The following TBL1X variants were observed in gnomAD, a reference collection of about 807,000 sequenced individuals.
The protein encoded by TBL1X is F-box-like/WD repeat-containing protein TBL1X.
Under a neutral mutation model 50.7 loss-of-function variants are expected in TBL1X, and 10 were observed. The observed-to-expected ratio is 0.20, with a 90% CI of 0.12 to 0.33. The LOEUF is 0.33. Ranked by LOEUF, TBL1X falls within the 10% of genes least tolerant of loss-of-function variation. The pLI, the probability that TBL1X is intolerant of heterozygous loss-of-function variation, is 1.00. For missense variants in TBL1X, 340 were observed against 504.4 expected, an observed-to-expected ratio of 0.67 and a Z score of 3.12; for synonymous variants, 190 against 214.7, an observed-to-expected ratio of 0.88 and a Z score of 1.01.
chrX:9,494,032 G>A (rs1367770045), intron 1 of TBL1X, among the ~76,000 whole-genome samples: 1 of 111,460 alleles, frequency 9.0e-6, no homozygotes, highest in Non-Finnish European at 1.9e-5. Flanking sequence ...ATTCATCTTC[G>A]AGACTGTTCA....
At chrX:9,577,075 CAAT>C (rs1156317781) in intron 2 of TBL1X, among the ~76,000 whole-genome samples, 2 of 111,547 alleles carry the variant, frequency 1.8e-5, no homozygotes, top group South Asian at 3.7e-4. Flanking sequence ...TCCCAGGCCT[CAAT>C]GATGAAATGT....
rs1231846771 is a variant in TBL1X at position 9,715,055 on chromosome X, G to A, written c.1707+52G>A. On this transcript the variant is annotated intron_variant, in intron 17 of 17. Coordinates refer to ENST00000645353, the MANE Select transcript of TBL1X (RefSeq NM_005647.4). ...GAGTGGGGTGTTGGGGGCAGCTGAT[G>A]CCTAAGTGAGCTTCCAGGGCGTGTG... The A allele has an allele frequency of 2.8e-6, 3 of 1,083,512 alleles. No homozygotes were observed. In the South Asian group the frequency reaches 5.8e-5, roughly 21 times the overall value. 89.3% of individuals were successfully genotyped at this position (1,083,512 alleles called of 1,213,427 possible). A position where few individuals can be genotyped will look rare whatever the true frequency, so the allele number is the denominator to read the frequency against.
chrX:9,540,066 G>A (rs752979492), intron 2 of TBL1X, among the ~76,000 whole-genome samples: 5 of 112,669 alleles, frequency 4.4e-5, no homozygotes, highest in South Asian at 3.6e-4. Flanking sequence ...GGCACAAGAA[G>A]TGTTACAGTT....
intron 2 of TBL1X, among the ~76,000 whole-genome samples, chrX:9,616,851 G>C (rs996788937): frequency 2.7e-5 from 3 of 111,902 alleles, no homozygotes; most frequent in Non-Finnish European, 5.6e-5. Flanking sequence ...AGATGATACT[G>C]TTAAATGGAG....
intron 5 of TBL1X, among the ~76,000 whole-genome samples, chrX:9,658,100 A>G (rs187584676): frequency 4.4e-4 from 49 of 111,708 alleles, no homozygotes; most frequent in Non-Finnish European, 8.1e-4. Context: ...TCCTGCAGCC[A>G]TGTAAGATGT....
intron 1 of TBL1X, among the ~76,000 whole-genome samples, chrX:9,471,356 A>G (rs1469522493): frequency 8.9e-6 from 1 of 112,307 alleles, no homozygotes; most frequent in East Asian, 2.8e-4. Flanking sequence ...CCTACCGTGT[A>G]GAGTTAAAGG....
At chrX:9,550,017 G>A (rs186823740) in intron 2 of TBL1X, among the ~76,000 whole-genome samples, 184 of 111,808 alleles carry the variant, frequency 1.6e-3, no homozygotes, top group Non-Finnish European at 2.6e-3. Context: ...AGACAGCTCT[G>A]GAAATGCAGG....
intron 2 of TBL1X, among the ~76,000 whole-genome samples, chrX:9,515,028 C>T (rs775759629): frequency 4.5e-5 from 5 of 110,803 alleles, no homozygotes; most frequent in East Asian, 2.8e-4. Flanking sequence ...ATGTGTGTAC[C>T]GCTCATGTGT....
intron 5 of TBL1X, among the ~76,000 whole-genome samples, chrX:9,665,093 T>G (rs1334790915): frequency 9.1e-6 from 1 of 110,345 alleles, no homozygotes; most frequent in East Asian, 2.9e-4. Flanking sequence ...TCTTGTGTTC[T>G]CCTTGGGCTT....
chrX:9,463,414 A>G (rs2081748563), upstream of TBL1X: 1 of 112,362 alleles, frequency 8.9e-6, no homozygotes, highest in Non-Finnish European at 1.9e-5. Context: ...GGCAACTGAT[A>G]CATAATAAGA....
At chrX:9,476,902 A>T (rs1411752468) in intron 1 of TBL1X, among the ~76,000 whole-genome samples, 1 of 112,484 alleles carries the variant, frequency 8.9e-6, no homozygotes, top group Non-Finnish European at 1.9e-5. Flanking sequence ...AGTTAGCAAA[A>T]TTATATAACC....
At chrX:9,614,773 T>A (rs1396158315) in intron 2 of TBL1X, among the ~76,000 whole-genome samples, 1 of 111,450 alleles carries the variant, frequency 9.0e-6, no homozygotes, top group Non-Finnish European at 1.9e-5. Context: ...AGTCAGCGCC[T>A]GAAATTAAGC....
intron 2 of TBL1X, among the ~76,000 whole-genome samples, chrX:9,540,764 C>T (rs1191331251): frequency 8.9e-6 from 1 of 112,391 alleles, no homozygotes; most frequent in Non-Finnish European, 1.9e-5. Context: ...TATGTATTCA[C>T]TAGTGCTTTG....
At chrX:9,504,064 G>A (rs1322313336) in intron 2 of TBL1X, among the ~76,000 whole-genome samples, 1 of 111,690 alleles carries the variant, frequency 9.0e-6, no homozygotes, top group East Asian at 2.8e-4. Context: ...CTTGAGGTCA[G>A]AGGTCCCAGA....
At chrX:9,484,317 T>TACACACACACACACAC (rs746013426) in intron 1 of TBL1X, among the ~76,000 whole-genome samples, 1 of 108,799 alleles carries the variant, frequency 9.2e-6, no homozygotes, top group African/African-American at 3.4e-5. Context: ...CGTTTTTTCA[T>TACACACACACACACAC]ACACACACAC....
intron 17 of TBL1X, among the ~76,000 whole-genome samples, chrX:9,715,277 C>T (rs1369921944): frequency 8.9e-6 from 1 of 112,414 alleles, no homozygotes; most frequent in East Asian, 2.8e-4. Flanking sequence ...TAGACAATAT[C>T]TGGAGCCATT....
intron 2 of TBL1X, among the ~76,000 whole-genome samples, chrX:9,619,641 G>A (rs1437063954): frequency 8.9e-6 from 1 of 112,488 alleles, no homozygotes; most frequent in African/African-American, 3.2e-5. Context: ...TACTTCATCC[G>A]TCTGTGTAAT....
chrX:9,583,370 T>G (rs1355171439), intron 2 of TBL1X, among the ~76,000 whole-genome samples: 1 of 112,439 alleles, frequency 8.9e-6, no homozygotes, highest in Non-Finnish European at 1.9e-5. Context: ...TGAGGTCACA[T>G]TCAGTCTTTT....
At chrX:9,670,998 G>A (rs1054574908) in intron 5 of TBL1X, among the ~76,000 whole-genome samples, 1 of 112,060 alleles carries the variant, frequency 8.9e-6, no homozygotes, top group African/African-American at 3.2e-5. Context: ...CACATTAGTA[G>A]AGGATGAAAG....
Sources: allele counts gnomAD v4.1 joint callset (sites outside exome capture counted in the v4.1 genomes callset), GRCh38; gene constraint gnomAD v4.1.1; transcripts MANE v1.5; gene names NCBI Gene and HGNC (gene_info 2026-07-23, HGNC 2026-07-21).